The following ZNF716 variants were observed in gnomAD, a reference collection of about 807,000 sequenced individuals.
The protein encoded by ZNF716 is zinc finger protein 716.
In ZNF716, 9 loss-of-function variants were observed where a neutral mutation model predicts 13.4. That is an observed-to-expected ratio of 0.67 (90% CI 0.41 to 1.18). The LOEUF is 1.18. Among genes scored for constraint, ZNF716 ranks in the 50% most tolerant of loss-of-function variants. The pLI is 0.01. For synonymous variants in ZNF716, 186 were observed against 195.2 expected, an observed-to-expected ratio of 0.95 and a Z score of 0.39; for missense variants, 581 against 576.6, an observed-to-expected ratio of 1.01 and a Z score of -0.08.
chr7:57,455,808 G>A (rs756289568), intron 1 of ZNF716, among the ~76,000 whole-genome samples: 19 of 152,042 alleles, frequency 1.2e-4, no homozygotes, highest in African/African-American at 4.6e-4. Context: ...ATGAGCCGTC[G>A]CGCCTGGCTG....
Position 57,469,716 on chromosome 7 carries a change from T to C in ZNF716, c.1255T>C (p.Cys419Arg). 4 of 1,611,204 alleles carry C rather than the reference T, an allele frequency of 2.5e-6. No homozygotes were observed. The highest frequency in any genetic ancestry group is 3.3e-4 in the Middle Eastern group (2 of 6,050). The change falls in exon 4 of 4, where the codon TGC (cysteine) becomes CGC (arginine). Residue 419 changes from cysteine (C) to arginine (R), a missense_variant. Physicochemically the swap from Cys to Arg is radical, Grantham distance 180. Transcript: ENST00000420713. ...KCEECGKAFN[C>R]SSTLKKHKII... The stretch of plus-strand genomic sequence containing the variant: ...TGAAGAATGTGGCAAAGCCTTTAAC[T>C]GCTCCTCAACCCTTAAGAAACATAA...
chr7:57,457,055 G>A (rs1554322238), intron 1 of ZNF716, among the ~76,000 whole-genome samples: 1 of 152,128 alleles, frequency 6.6e-6, no homozygotes, highest in Non-Finnish European at 1.5e-5. Context: ...CCGGGACTAG[G>A]CACCACCTTC....
At chr7:57,452,947 A>G (rs569580892) in intron 1 of ZNF716, among the ~76,000 whole-genome samples, 2 of 152,194 alleles carry the variant, frequency 1.3e-5, no homozygotes, top group African/African-American at 4.8e-5. Context: ...TAGCCTTCCA[A>G]GAGAGCAAAT....
intron 1 of ZNF716, among the ~76,000 whole-genome samples, chr7:57,457,467 C>T (rs1554322302): frequency 6.6e-6 from 1 of 152,168 alleles, no homozygotes; most frequent in Non-Finnish European, 1.5e-5. Flanking sequence ...GCCTCAGCCT[C>T]TTGAGTAGCT....
intron 3 of ZNF716, among the ~76,000 whole-genome samples, chr7:57,467,964 A>C (rs1340018703): frequency 1.3e-5 from 2 of 151,970 alleles, no homozygotes; most frequent in Non-Finnish European, 2.9e-5. Flanking sequence ...TTGCCCTAAT[A>C]TTTTATAAAC....
intron 1 of ZNF716, among the ~76,000 whole-genome samples, chr7:57,455,550 T>A (rs1255654901): frequency 6.7e-6 from 1 of 149,558 alleles, no homozygotes; most frequent in Non-Finnish European, 1.5e-5. Context: ...AGAGTCTCAC[T>A]CTGTCACCCT....
chr7:57,471,893 G>A lies in ZNF716; in HGVS notation c.*1944G>A, dbSNP rs1789944891. The A allele has an allele frequency of 6.6e-6, 1 of 151,980 alleles. No homozygotes were observed. Among genetic ancestry groups the A allele is most frequent in the Non-Finnish European group, 1.5e-5 (1 of 67,984 alleles). The allele number at this position is 151,980 out of a possible 1,614,324, so 9.4% of individuals were successfully genotyped here. On this transcript the variant is annotated 3_prime_UTR_variant, in exon 4 of 4. Coordinates refer to ENST00000420713, the MANE Select transcript of ZNF716 (RefSeq NM_001159279.1). ...CTAACAATATAAATTTAAAGAAGTAGATTTATTTGGAGATTTATAATTACA... is the reference window on the plus strand; with the variant it reads ...CTAACAATATAAATTTAAAGAAGTAAATTTATTTGGAGATTTATAATTACA...
intron 1 of ZNF716, among the ~76,000 whole-genome samples, 151 bp downstream of exon 1, chr7:57,450,478 C>T (rs1462414555): frequency 2.0e-5 from 3 of 152,098 alleles, no homozygotes; most frequent in African/African-American, 7.2e-5. Flanking sequence ...TTAGTCCCCT[C>T]GAGCGTTAAG....
chr7:57,467,850 C>T (rs1789842574), intron 3 of ZNF716, among the ~76,000 whole-genome samples: 1 of 151,878 alleles, frequency 6.6e-6, no homozygotes, highest in Non-Finnish European at 1.5e-5. Context: ...GCATTTCTCT[C>T]ACTGAGCATA....
At position 57,469,365 on chromosome 7, in the gene ZNF716, G is replaced by A; in HGVS notation, c.904G>A (p.Gly302Ser). 2 of 1,613,626 alleles carry A rather than the reference G, an allele frequency of 1.2e-6. No individual in the cohort carries two copies. Among genetic ancestry groups the A allele is most frequent in the Non-Finnish European group, 1.7e-6 (2 of 1,179,832 alleles). The change falls in exon 4 of 4, where the codon GGC becomes AGC. Residue 302 changes from glycine (G) to serine (S), a missense_variant. Physicochemically the swap from Gly to Ser is moderately conservative, Grantham distance 56 (BLOSUM62 0). Transcript: ENST00000420713. ...GAAACCCTACACATGTGAAGAATGT[G>A]GCAAAGCCTTTAGCCGCTCTTCAAC... ...GEKPYTCEEC[G>S]KAFSRSSTLT...
In ZNF716 at chr7:57,469,020, T is replaced by C. The variant is rs782670930; in HGVS notation, c.559T>C (p.Cys187Arg). ...TRHTGKKHFK[C>R]KNDGKSFCML... is the part of the protein sequence containing the mutation. ...ACATACTGGAAAGAAACATTTCAAA[T>C]GTAAAAACGATGGCAAATCATTTTG... Residue 187 changes from cysteine to arginine, a missense_variant, in exon 4 of 4, where the codon TGT becomes CGT. Physicochemically the swap from Cys to Arg is radical, Grantham distance 180. Coordinates refer to ENST00000420713, the MANE Select transcript of ZNF716 (RefSeq NM_001159279.1). 2.5e-6 allele frequency: 4 copies of C among 1,607,922 alleles called. No homozygotes were observed. The highest frequency in any genetic ancestry group is 2.5e-6 in the Non-Finnish European group (3 of 1,176,528).
In ZNF716 at chr7:57,450,203, C is replaced by T. The variant is rs1789460181; in HGVS notation, c.-86C>T. ...TTTTTGCTTCTCTGCGCCCAGAGCT[C>T]CAGTCCTTCTCTTCACTGCTCTGCG... On this transcript the variant is annotated 5_prime_UTR_variant, in exon 1 of 4. Coordinates refer to ENST00000420713, the MANE Select transcript of ZNF716 (RefSeq NM_001159279.1). The T allele has an allele frequency of 1.9e-6, 3 of 1,595,532 alleles. No individual in the cohort carries two copies. Among genetic ancestry groups the T allele is most frequent in the Non-Finnish European group, 1.7e-6 (2 of 1,167,608 alleles).
rs1554325389 is a variant in ZNF716 at position 57,472,208 on chromosome 7, A to G, written c.*2259A>G. 2.6e-5 allele frequency: 4 copies of G among 152,194 alleles called. No homozygotes were observed. The highest frequency in any genetic ancestry group is 9.6e-5 in the African/African-American group (4 of 41,452). The allele number at this position is 152,194 out of a possible 1,614,324, so 9.4% of individuals were successfully genotyped here. Reference sequence around the variant, plus strand: ...TTATAACATTGTTTTAGTGATGTATAAGGCGAGCGTTCAGAGTAATATTCT... The same window carrying G: ...TTATAACATTGTTTTAGTGATGTATGAGGCGAGCGTTCAGAGTAATATTCT... On this transcript the variant is annotated 3_prime_UTR_variant, in exon 4 of 4. Coordinates refer to ENST00000420713, the MANE Select transcript of ZNF716 (RefSeq NM_001159279.1).
intron 3 of ZNF716, 54 bp downstream of exon 3, chr7:57,463,222 G>C (rs574893626): frequency 6.3e-7 from 1 of 1,593,734 alleles, no homozygotes; most frequent in South Asian, 1.1e-5. Flanking sequence ...AAAAGTCAAG[G>C]AGGAAGCCAG....
At chr7:57,466,238 A>T (rs1426540357) in intron 3 of ZNF716, among the ~76,000 whole-genome samples, 1 of 152,158 alleles carries the variant, frequency 6.6e-6, no homozygotes, top group Non-Finnish European at 1.5e-5. Context: ...ATGAAAATAT[A>T]TATATAAAAA....
chr7:57,461,108 A>G (rs1383075692), intron 1 of ZNF716, among the ~76,000 whole-genome samples: 3 of 109,708 alleles, frequency 2.7e-5, no homozygotes, highest in Non-Finnish European at 5.5e-5. Flanking sequence ...TGTCTCTGCT[A>G]AAAAAAAAAA....
chr7:57,463,697 G>A (rs1789749767), intron 3 of ZNF716, among the ~76,000 whole-genome samples: 1 of 151,720 alleles, frequency 6.6e-6, no homozygotes, highest in South Asian at 2.1e-4. Context: ...TTTATTTAGA[G>A]GCTGGGTTAT....
intron 3 of ZNF716, among the ~76,000 whole-genome samples, chr7:57,464,118 TTTTC>T (rs1789761034): frequency 3.6e-5 from 4 of 111,056 alleles, no homozygotes; most frequent in Admixed American, 2.2e-4. Context: ...TCCATTTCTT[TTTTC>T]TTTTTTTTTT....
chr7:57,464,122 CTTTTTTT>C (rs71065117), intron 3 of ZNF716, among the ~76,000 whole-genome samples: 1 of 125,844 alleles, frequency 7.9e-6, no homozygotes, highest in Non-Finnish European at 1.6e-5. Flanking sequence ...TTTCTTTTTT[CTTTTTTT>C]TTTTTTTTTG....
Sources: gnomAD v4.1 joint callset for allele counts (sites outside exome capture counted in the v4.1 genomes callset) on GRCh38, gnomAD v4.1.1 for gene constraint, MANE v1.5 for transcripts, NCBI Gene and HGNC (gene_info 2026-07-23, HGNC 2026-07-21) for gene names.